Variants in USF3 observed in about 807,000 individuals in gnomAD.
The protein encoded by USF3 is upstream transcription factor family member 3, also known as basic helix-loop-helix domain-containing protein USF3.
USF3 carries 29 observed loss-of-function variants against 157.5 expected under a neutral mutation model. The ratio of observed to expected loss-of-function variants is 0.18; its 90% CI spans 0.14 to 0.25. USF3 has a LOEUF of 0.25. USF3 is among the 10% of genes least tolerant of loss of function. The pLI is 1.00. For missense variants in USF3, 2,381 were observed against 2,667.6 expected, an observed-to-expected ratio of 0.89 and a Z score of 2.37; for synonymous variants, 893 against 941.4, an observed-to-expected ratio of 0.95 and a Z score of 0.94.
chr3:113,680,834 TTTTG>T (rs1264366006), intron 1 of USF3, among the ~76,000 whole-genome samples: 7 of 151,952 alleles, frequency 4.6e-5, no homozygotes, highest in Admixed American at 1.3e-4. Context: ...CGTCAATCTA[TTTTG>T]TTTTTGTTTT....
intron 1 of USF3, among the ~76,000 whole-genome samples, chr3:113,679,388 G>A (rs1707358143): frequency 6.7e-6 from 1 of 149,162 alleles, no homozygotes; most frequent in Non-Finnish European, 1.5e-5. Flanking sequence ...TCAAGGTACA[G>A]AACATTATCA....
chr3:113,660,678 A>C lies in USF3; in HGVS notation c.1004T>G (p.Phe335Cys). 1 of 1,614,184 alleles carries C rather than the reference A, an allele frequency of 6.2e-7. No homozygotes were observed. Among genetic ancestry groups the C allele is most frequent in the South Asian group, 1.1e-5 (1 of 91,076 alleles). ...QDFRGDFQNT[F>C]VVSVTTTVCS... ...GACTGTGGTGGTAACTGAAACAACA[A>C]AAGTGTTTTGAAAATCACCTCTGAA... Residue 335 changes from phenylalanine (F) to cysteine (C), a missense_variant, in exon 7 of 7, where the codon TTT (phenylalanine) becomes TGT (cysteine). Transcript: ENST00000316407.
intron 6 of USF3, among the ~76,000 whole-genome samples, chr3:113,663,319 C>T (rs557863029): frequency 3.5e-4 from 53 of 152,302 alleles, no homozygotes; most frequent in African/African-American, 1.3e-3. Context: ...AAAGAGCTTT[C>T]ATTAGAAAAG....
chr3:113,672,327 T>C (rs1707177468), intron 4 of USF3, among the ~76,000 whole-genome samples: 3 of 151,942 alleles, frequency 2.0e-5, no homozygotes, highest in African/African-American at 2.4e-5. Flanking sequence ...GGTTTCGCCA[T>C]GTTGGCCAGG....
At chr3:113,677,861 C>CT (rs1707316160) in intron 1 of USF3, among the ~76,000 whole-genome samples, 1 of 152,154 alleles carries the variant, frequency 6.6e-6, no homozygotes, top group Non-Finnish European at 1.5e-5. Flanking sequence ...AGCCCTCAGA[C>CT]CTTTGCATTG....
chr3:113,656,917 G>T lies in USF3; in HGVS notation c.4765C>A (p.His1589Asn). ...CENPSTSRNH[H>N]NHPQNHLNQD... The stretch of plus-strand genomic sequence containing the variant: ...TTGAGATGGTTCTGGGGATGGTTAT[G>T]ATGGTTCCGACTAGTTGAAGGGTTT... Residue 1589 changes from histidine to asparagine, a missense_variant, in exon 7 of 7, where the codon CAT becomes AAT. By Grantham distance (68) the His-to-Asn change is moderately conservative. Transcript: ENST00000316407. The T allele has an allele frequency of 2.5e-6, 4 of 1,614,168 alleles. No individual in the cohort carries two copies. The highest frequency in any genetic ancestry group is 3.4e-6 in the Non-Finnish European group (4 of 1,180,012).
At chr3:113,695,787 T>C (rs1267441001) in intron 1 of USF3, among the ~76,000 whole-genome samples, 1 of 152,224 alleles carries the variant, frequency 6.6e-6, no homozygotes, top group Admixed American at 6.5e-5. Context: ...TTCATCCGGA[T>C]ACATGAAAGT....
rs1320592114 is a variant in USF3, at chr3:113,659,552, A to C, written c.2130T>G (p.Ala710=). 1 of 1,614,212 alleles carries C rather than the reference A, an allele frequency of 6.2e-7. No individual in the cohort carries two copies. Among genetic ancestry groups the C allele is most frequent in the Admixed American group, 1.7e-5 (1 of 60,028 alleles). Residue 710 remains alanine, a synonymous_variant, in exon 7 of 7, where the codon GCT becomes GCG. Transcript: ENST00000316407. ...NTNVALNTFG[A]LASLNQSISQ... ...ATATGCTTTGATTGAGGCTGGCCAA[A>C]GCACCAAATGTATTCAGGGCAACAT...
At position 113,652,028 on chromosome 3, in the gene USF3, AC is replaced by A. The variant is rs1560167984; in HGVS notation, c.*2915del. 1.3e-5 allele frequency: 2 copies of A among 151,920 alleles called. No individual in the cohort carries two copies. 9.4% of individuals were successfully genotyped at this position (151,920 alleles called of 1,614,324 possible). A position where few individuals can be genotyped will look rare whatever the true frequency, so the allele number is the denominator to read the frequency against. On this transcript the variant is annotated 3_prime_UTR_variant, in exon 7 of 7. Coordinates refer to ENST00000316407, the MANE Select transcript of USF3 (RefSeq NM_001009899.4). The stretch of plus-strand genomic sequence containing the variant: ...AAACTGAGCTTCTCCTTAGCCTGTT[AC>A]CTTACTTTCAATTATGTCTAGCAGT...
At chr3:113,667,143 C>A (rs1418386305) in intron 5 of USF3, among the ~76,000 whole-genome samples, 11 of 151,188 alleles carry the variant, frequency 7.3e-5, no homozygotes, top group Admixed American at 6.8e-4. Flanking sequence ...TACACTGAGT[C>A]CCAACAGAGA....
In USF3 at chr3:113,654,734, ACACCATG is replaced by A; in HGVS notation, c.*203_*209del. 1 of 530,224 alleles carries A rather than the reference ACACCATG, an allele frequency of 1.9e-6. No homozygotes were observed. The highest frequency in any genetic ancestry group is 3.3e-6 in the Non-Finnish European group (1 of 306,698). 32.8% of individuals were successfully genotyped at this position (530,224 alleles called of 1,614,324 possible). ...AAATCTACTTGGAAAATAAAAAAGT[ACACCATG>A]CAGTTGAAAACGAAAGATAACTTGT... On this transcript the variant is annotated 3_prime_UTR_variant, in exon 7 of 7. Transcript: ENST00000316407.
At position 113,654,867 on chromosome 3, in the gene USF3, T is replaced by C. The variant is rs940799540; in HGVS notation, c.*77A>G. The C allele has an allele frequency of 7.9e-5, 114 of 1,442,262 alleles. No homozygotes were observed. The highest frequency in any genetic ancestry group is 1.0e-4 in the Non-Finnish European group (106 of 1,063,632). The allele number at this position is 1,442,262 out of a possible 1,614,324, so 89.3% of individuals were successfully genotyped here. The stretch of plus-strand genomic sequence containing the variant: ...CACACACACACAATCCTTCTCTTCA[T>C]GTACATGTCTGTGCACATGCACGCA... On this transcript the variant is annotated 3_prime_UTR_variant, in exon 7 of 7. Coordinates refer to ENST00000316407, the MANE Select transcript of USF3 (RefSeq NM_001009899.4).
At chr3:113,676,920 T>C (rs533551958) in intron 2 of USF3, among the ~76,000 whole-genome samples, 19 of 152,268 alleles carry the variant, frequency 1.2e-4, no homozygotes, top group African/African-American at 3.9e-4. Context: ...GAATGAAATT[T>C]TGCGGGTACA....
chr3:113,690,115 T>C (rs1474868349), intron 1 of USF3, among the ~76,000 whole-genome samples: 3 of 152,230 alleles, frequency 2.0e-5, no homozygotes, highest in Admixed American at 2.0e-4. Flanking sequence ...TTAAATTCCC[T>C]TTTCTCTTAA....
intron 4 of USF3, among the ~76,000 whole-genome samples, chr3:113,671,350 A>G (rs1385269278): frequency 6.6e-6 from 1 of 152,216 alleles, no homozygotes. Context: ...AATAGATAAG[A>G]AAGAGTACTG....
At chr3:113,667,190 G>A (rs777286049) in intron 5 of USF3, among the ~76,000 whole-genome samples, 18 of 152,190 alleles carry the variant, frequency 1.2e-4, no homozygotes, top group Admixed American at 3.3e-4. Flanking sequence ...TTACTACTAA[G>A]AGAAAAATAA....
rs781426395 is a variant in USF3 at position 113,657,397 on chromosome 3, G to C, written c.4285C>G (p.Gln1429Glu). 1 of 1,614,126 alleles carries C rather than the reference G, an allele frequency of 6.2e-7. No homozygotes were observed. The highest frequency in any genetic ancestry group is 1.7e-5 in the Admixed American group (1 of 60,018). Reference sequence around the variant, plus strand: ...TGCTGACTTGCCTGGGTTTGCTGCTGTTCAGCAACTGAAGGCTGAGAACCA... The same window carrying C: ...TGCTGACTTGCCTGGGTTTGCTGCTCTTCAGCAACTGAAGGCTGAGAACCA... The part of the protein sequence containing the change: ...QCGSQPSVAE[Q>E]QQTQASQHLQ... Residue 1429 changes from glutamine to glutamate, a missense_variant, in exon 7 of 7, where the codon CAG becomes GAG. Gln to Glu is a conservative substitution (Grantham distance 29). Around this residue, in one of 6 missense-constraint regions of USF3, gnomAD observed 1,435 missense variants for 1,550.9 expected, o/e 0.93. Transcript: ENST00000316407.
chr3:113,689,990 T>C (rs760975720), intron 1 of USF3, among the ~76,000 whole-genome samples: 8 of 152,384 alleles, frequency 5.2e-5, no homozygotes, highest in Non-Finnish European at 7.3e-5. Flanking sequence ...AAAGCTTTTA[T>C]GTTTTTGTAA....
intron 2 of USF3, among the ~76,000 whole-genome samples, chr3:113,675,867 A>C (rs1707269406): frequency 6.6e-6 from 1 of 152,244 alleles, no homozygotes; most frequent in South Asian, 2.1e-4. Flanking sequence ...CGGATAACCT[A>C]AATTCTCTCT....
Sources: allele counts gnomAD v4.1 joint callset (sites outside exome capture counted in the v4.1 genomes callset), GRCh38; gene constraint gnomAD v4.1.1; regional missense constraint gnomAD v4.1.1; transcripts MANE v1.5; gene names NCBI Gene and HGNC (gene_info 2026-07-23, HGNC 2026-07-21).